The following ANKRD36 variants were observed in gnomAD, a reference collection of about 807,000 sequenced individuals.
ANKRD36 encodes the protein ankyrin repeat domain 36.
ANKRD36 carries 179 observed loss-of-function variants against 278.1 expected under a neutral mutation model. The ratio of observed to expected loss-of-function variants is 0.64; its 90% confidence interval spans 0.57 to 0.73. ANKRD36 has a LOEUF of 0.73. Among genes scored for constraint, ANKRD36 ranks in the 30% least tolerant of loss-of-function variants. The pLI is 0.00. For missense variants in ANKRD36, 1,159 were observed against 1,956.7 expected (o/e 0.59, Z 7.69); for synonymous variants, 320 against 641.1 (o/e 0.50, Z 7.57).
chr2:97,135,965 C>T (rs2041382915), intron 6 of ANKRD36, among the ~76,000 whole-genome samples: 2 of 151,702 alleles, frequency 1.3e-5, no homozygotes, highest in Admixed American at 6.6e-5. Flanking sequence ...TCCTAAAATC[C>T]TCAGAATTTC....
At chr2:97,123,520 A>C (rs2037521140) in intron 4 of ANKRD36, among the ~76,000 whole-genome samples, 1 of 82,202 alleles carries the variant, frequency 1.2e-5, no homozygotes, top group Non-Finnish European at 4.1e-5. Flanking sequence ...TAGATGTGTG[A>C]CCTTGGTAAC....
At chr2:97,181,326 C>T (rs1022294693) in intron 24 of ANKRD36, among the ~76,000 whole-genome samples, 3 of 151,478 alleles carry the variant, frequency 2.0e-5, no homozygotes, top group Admixed American at 6.6e-5. Context: ...CTCGGCATAT[C>T]CACATTGATA....
chr2:97,138,308 A>G (rs1257959802), intron 6 of ANKRD36, among the ~76,000 whole-genome samples: 1 of 151,836 alleles, frequency 6.6e-6, no homozygotes, highest in African/African-American at 2.4e-5. Context: ...GTAATAGAGC[A>G]CTAAATCATG....
At chr2:97,206,578 C>G (rs916340804) in intron 52 of ANKRD36, among the ~76,000 whole-genome samples, 1 of 151,418 alleles carries the variant, frequency 6.6e-6, no homozygotes, top group Non-Finnish European at 1.5e-5. Flanking sequence ...CAATCACTTT[C>G]CCAAAGAAGA....
intron 11 of ANKRD36, among the ~76,000 whole-genome samples, chr2:97,146,961 A>T (rs1226155508): frequency 6.6e-6 from 1 of 151,940 alleles, no homozygotes; most frequent in Non-Finnish European, 1.5e-5. Context: ...ACTTTGTCCA[A>T]ATATTTTGGA....
At chr2:97,203,630 G>A (rs2061996903) in intron 48 of ANKRD36, among the ~76,000 whole-genome samples, 1 of 151,734 alleles carries the variant, frequency 6.6e-6, no homozygotes, top group Non-Finnish European at 1.5e-5. Flanking sequence ...TCAGTTATTG[G>A]GCAAGTTAAA....
intron 6 of ANKRD36, among the ~76,000 whole-genome samples, 169 bp from the exon 7 acceptor site, chr2:97,142,471 T>C (rs1021178681): frequency 1.3e-5 from 2 of 152,268 alleles, no homozygotes; most frequent in African/African-American, 4.8e-5. Context: ...GTTGGTGTTT[T>C]CTTCAGTGTA....
At chr2:97,127,848 C>T (rs1431293540) in intron 6 of ANKRD36, among the ~76,000 whole-genome samples, 1 of 151,796 alleles carries the variant, frequency 6.6e-6, no homozygotes, top group Non-Finnish European at 1.5e-5. Flanking sequence ...TGTAAAAAAA[C>T]AATAATAGTT....
At chr2:97,228,871 T>C (rs2070888395) in intron 67 of ANKRD36, among the ~76,000 whole-genome samples, 1 of 151,982 alleles carries the variant, frequency 6.6e-6, no homozygotes, top group African/African-American at 2.4e-5. Context: ...AACATCTTTA[T>C]TTCTGCCTTC....
intron 66 of ANKRD36, among the ~76,000 whole-genome samples, chr2:97,224,603 C>T (rs1346055348): frequency 1.3e-5 from 2 of 152,044 alleles, no homozygotes; most frequent in Non-Finnish European, 2.9e-5. Flanking sequence ...GCGCCCGCCA[C>T]CACGCCCAGC....
intron 22 of ANKRD36, among the ~76,000 whole-genome samples, chr2:97,178,084 T>G (rs2054871331): frequency 6.7e-6 from 1 of 150,368 alleles, no homozygotes; most frequent in Admixed American, 6.7e-5. Flanking sequence ...AAAATGCTCA[T>G]CATCACTGGC....
rs1575035263 is a variant in ANKRD36 at position 97,154,660 on chromosome 2, CT to C, written c.1194-10del. 6.8e-7 allele frequency: 1 copy of C among 1,478,536 alleles called. No homozygotes were observed. Among genetic ancestry groups the C allele is most frequent in the Non-Finnish European group, 9.1e-7 (1 of 1,098,562 alleles). The allele number at this position is 1,478,536 out of a possible 1,614,324, so 91.6% of individuals were successfully genotyped here. A position where few individuals can be genotyped will look rare whatever the true frequency, so the allele number is the denominator to read the frequency against. On this transcript the variant is annotated splice_polypyrimidine_tract_variant and intron_variant, in intron 14 of 75. Transcript: ENST00000420699. Reference sequence around the variant, plus strand: ...ATGAACGTGCTCATTTTTGTAATATCTTTTTGCTCTGTAGGTGTCTCTACCT... The same window carrying C: ...ATGAACGTGCTCATTTTTGTAATATCTTTTGCTCTGTAGGTGTCTCTACCT...
chr2:97,144,589 T>A (rs1221641003), intron 9 of ANKRD36, 43 bp downstream of exon 9: 1 of 1,569,066 alleles, frequency 6.4e-7, no homozygotes, highest in Non-Finnish European at 8.6e-7. Context: ...AACTGTATAG[T>A]CTATGGAATA....
chr2:97,178,235 G>A (rs2054929773), intron 22 of ANKRD36, among the ~76,000 whole-genome samples: 2 of 151,822 alleles, frequency 1.3e-5, no homozygotes, highest in Admixed American at 6.6e-5. Flanking sequence ...TGGTGGGACT[G>A]TAAACTAGTT....
intron 66 of ANKRD36, among the ~76,000 whole-genome samples, chr2:97,221,794 T>C (rs1191059358): frequency 5.6e-4 from 83 of 147,578 alleles, no homozygotes; most frequent in Non-Finnish European, 3.1e-4. Context: ...TAGATCCCAT[T>C]TGTCAATTTT....
intron 67 of ANKRD36, among the ~76,000 whole-genome samples, chr2:97,226,120 A>G (rs980039425): frequency 6.6e-6 from 1 of 151,668 alleles, no homozygotes; most frequent in African/African-American, 2.4e-5. Flanking sequence ...CATGATTTAT[A>G]GTCCTTTGGG....
chr2:97,256,315 C>T (rs1326978792), intron 75 of ANKRD36, among the ~76,000 whole-genome samples: 1 of 152,040 alleles, frequency 6.6e-6, no homozygotes, highest in African/African-American at 2.4e-5. Flanking sequence ...TGAGACTGTG[C>T]CATTGCACTC....
intron 22 of ANKRD36, among the ~76,000 whole-genome samples, chr2:97,171,740 C>CA (rs776400626): frequency 5.8e-4 from 80 of 137,906 alleles, no homozygotes; most frequent in Middle Eastern, 3.8e-3. Flanking sequence ...AAAACAAAAA[C>CA]AAAAAAAACA....
In ANKRD36 at chr2:97,127,811, T is replaced by C. The variant is rs915308488; in HGVS notation, c.799+677T>C. ...GTCTTTTTCTTGCCCGCATGCCTTC[T>C]TCATTTGTTTTACTTAATTTTTTAT... On this transcript the variant is annotated intron_variant, in intron 6 of 75. Transcript: ENST00000420699. Among the ~76,000 whole-genome samples, 3 of 152,058 alleles carry C rather than the reference T, an allele frequency of 2.0e-5. 1 individual carries two copies. In the Admixed American group the frequency reaches 2.0e-4, roughly 10 times the overall value.
Sources: gnomAD v4.1 joint callset for allele counts (sites outside exome capture counted in the v4.1 genomes callset) on GRCh38, gnomAD v4.1.1 for gene constraint, MANE v1.5 for transcripts, NCBI Gene and HGNC (gene_info 2026-07-23, HGNC 2026-07-21) for gene names.